Variants in MKRN2OS observed in about 807,000 individuals in gnomAD.
MKRN2OS encodes MKRN2 opposite strand protein.
Under a neutral mutation model 18.2 loss-of-function variants are expected in MKRN2OS, and 17 were observed. That is an observed-to-expected ratio of 0.93 (90% CI 0.64 to 1.40). The LOEUF is 1.40. Among genes scored for constraint, MKRN2OS ranks in the 40% most tolerant of loss-of-function variants. The probability of loss-of-function intolerance (pLI) is 0.00; values close to 1 mark genes in which losing one functional copy is unlikely to be tolerated. For missense variants in MKRN2OS, 337 were observed against 283.0 expected (o/e 1.19, Z -1.37); for synonymous variants, 121 against 108.5 (o/e 1.12, Z -0.72).
chr3:12,557,122 C>T (rs1395471943), intron 1 of MKRN2OS: 4 of 1,494,142 alleles, frequency 2.7e-6, no homozygotes, highest in Non-Finnish European at 3.6e-6. Flanking sequence ...GAGGCGGCGG[C>T]ACGACGACGG....
chr3:12,543,351 C>A (rs2057841917), intron 1 of MKRN2OS, 122 bp from the exon 2 acceptor site: 2 of 731,544 alleles, frequency 2.7e-6, no homozygotes, highest in Non-Finnish European at 2.2e-6. Flanking sequence ...CTTTGGGAGG[C>A]CAAGGCGGGC....
intron 1 of MKRN2OS, chr3:12,557,282 G>C: frequency 1.4e-6 from 2 of 1,429,948 alleles, no homozygotes; most frequent in Admixed American, 2.3e-5. Flanking sequence ...GCGGGACTCG[G>C]AAAGTTACTC....
downstream of MKRN2OS, among the ~76,000 whole-genome samples, chr3:12,551,630 G>A (rs548847873): frequency 2.0e-5 from 3 of 152,014 alleles, no homozygotes; most frequent in African/African-American, 7.2e-5. Context: ...TTTCAATGAA[G>A]GATTTATTAA....
chr3:12,542,760 T>C (rs531722922), intron 2 of MKRN2OS, among the ~76,000 whole-genome samples: 8 of 151,210 alleles, frequency 5.3e-5, no homozygotes, highest in African/African-American at 1.9e-4. Context: ...CACATCCTGC[T>C]TTACTCCTGA....
At chr3:12,558,144 G>T (rs2057999187) in intron 1 of MKRN2OS, among the ~76,000 whole-genome samples, 1 of 152,170 alleles carries the variant, frequency 6.6e-6, no homozygotes, top group South Asian at 2.1e-4. Context: ...TATTTTCTAT[G>T]TTGTTACTTC....
At position 12,557,225 on chromosome 3, in the gene MKRN2OS, G is replaced by A. The variant is rs775810165; in HGVS notation, n.265-3091C>T. ...TTCGGGCCGCTCCCCCAGGCCGCAG[G>A]GGGGCCGGTGCGCGCCAGTGCTGTG... On this transcript the variant is annotated intron_variant and non_coding_transcript_variant, in intron 1 of 1. Transcript: ENST00000447550. 5 of 1,521,678 alleles carry A rather than the reference G, an allele frequency of 3.3e-6. No individual in the cohort carries two copies. In the South Asian group the frequency reaches 3.7e-5, roughly 11 times the overall value. The allele number at this position is 1,521,678 out of a possible 1,614,324, so 94.3% of individuals were successfully genotyped here. A position where few individuals can be genotyped will look rare whatever the true frequency, so the allele number is the denominator to read the frequency against.
rs914197265 is a variant in MKRN2OS at position 12,539,942 on chromosome 3, T to C, written c.*251A>G. The C allele has an allele frequency of 8.8e-5, 40 of 453,278 alleles. No individual in the cohort carries two copies. Among genetic ancestry groups the C allele is most frequent in the Admixed American group, 3.4e-4 (10 of 29,354 alleles). 28.1% of individuals were successfully genotyped at this position (453,278 alleles called of 1,614,324 possible). ...TTGGGATTACAGGCATGCGCCACCATGCCCAGCTAATTTTATATTTTTAGT... is the reference window on the plus strand; with the variant it reads ...TTGGGATTACAGGCATGCGCCACCACGCCCAGCTAATTTTATATTTTTAGT... On this transcript the variant is annotated 3_prime_UTR_variant, in exon 4 of 4. Coordinates refer to ENST00000564146, the MANE Select transcript of MKRN2OS (RefSeq NM_001195279.2).
At chr3:12,540,601 C>T (rs915126285) in intron 3 of MKRN2OS, among the ~76,000 whole-genome samples, 168 bp from the exon 4 acceptor site, 1 of 152,054 alleles carries the variant, frequency 6.6e-6, no homozygotes, top group Middle Eastern at 3.4e-3. Flanking sequence ...AGGCCGGGTG[C>T]GGTGGCTCAC....
chr3:12,554,795 G>A (rs2057954614), intron 1 of MKRN2OS, among the ~76,000 whole-genome samples: 1 of 152,146 alleles, frequency 6.6e-6, no homozygotes, highest in Non-Finnish European at 1.5e-5. Context: ...GTATTTACTT[G>A]TGTATATTTA....
downstream of MKRN2OS, among the ~76,000 whole-genome samples, chr3:12,552,536 C>G (rs1467423184): frequency 6.6e-6 from 1 of 150,804 alleles, no homozygotes; most frequent in Admixed American, 6.6e-5. Flanking sequence ...CTCAGCCTCC[C>G]GAGTAGCTGG....
downstream of MKRN2OS, among the ~76,000 whole-genome samples, chr3:12,551,426 C>T (rs928205497): frequency 3.3e-5 from 5 of 150,786 alleles, no homozygotes; most frequent in African/African-American, 7.3e-5. Context: ...ACCTGGGAGG[C>T]GAAGGCTGTG....
intron 1 of MKRN2OS, among the ~76,000 whole-genome samples, chr3:12,556,402 G>A (rs898031903): frequency 3.9e-5 from 6 of 152,074 alleles, no homozygotes; most frequent in African/African-American, 1.4e-4. Context: ...GTATCGCATG[G>A]TGCTAGGTAG....
At chr3:12,557,044 C>CGCCGGCGTGCGCCGGCGTGG in intron 1 of MKRN2OS, 1 of 1,083,350 alleles carries the variant, frequency 9.2e-7, no homozygotes, top group Non-Finnish European at 1.2e-6. Flanking sequence ...CGCCGGCGTG[C>CGCCGGCGTGCGCCGGCGTGG]GCCGGCGTGA....
intron 1 of MKRN2OS, 35 bp downstream of exon 1, chr3:12,545,212 C>T: frequency 7.0e-7 from 1 of 1,436,746 alleles, no homozygotes; most frequent in Non-Finnish European, 9.3e-7. Flanking sequence ...GAAAAGTTTG[C>T]ACAATGCAAT....
chr3:12,560,941 G>C (rs191528408), exon 1 of MKRN2OS: 1 of 152,344 alleles, frequency 6.6e-6, no homozygotes, highest in Admixed American at 6.5e-5. Context: ...GTATAACATA[G>C]ATGGAGAGGA....
chr3:12,547,724 G>C (rs572802986), upstream of MKRN2OS, among the ~76,000 whole-genome samples: 2 of 152,284 alleles, frequency 1.3e-5, no homozygotes, highest in East Asian at 3.9e-4. Flanking sequence ...TAATTCCAAA[G>C]ATAAGCAGTC....
chr3:12,542,160 T>C, intron 2 of MKRN2OS, 138 bp from the exon 3 acceptor site: 1 of 869,246 alleles, frequency 1.2e-6, no homozygotes, highest in Non-Finnish European at 1.7e-6. Context: ...GAATCTTCCA[T>C]CCACCTAATG....
At chr3:12,546,546 T>C (rs181172782), upstream of MKRN2OS, among the ~76,000 whole-genome samples, 41 of 151,590 alleles carry the variant, frequency 2.7e-4, no homozygotes, top group Middle Eastern at 3.4e-3. Context: ...GGGTACATAA[T>C]GGGTGTATAT....
chr3:12,540,877 C>CAAA (rs11369647), intron 3 of MKRN2OS, among the ~76,000 whole-genome samples: 4,663 of 59,522 alleles, frequency 0.078, 297 homozygotes, highest in Admixed American at 0.16. Flanking sequence ...GACTCCATCT[C>CAAA]AAAAAAAAAA....
Sources: allele counts gnomAD v4.1 joint callset (sites outside exome capture counted in the v4.1 genomes callset), GRCh38; gene constraint gnomAD v4.1.1; transcripts MANE v1.5; gene names NCBI Gene and HGNC (gene_info 2026-07-23, HGNC 2026-07-21).